Variants in PPFIA2 observed in about 807,000 individuals in gnomAD.
PPFIA2 encodes the protein liprin-alpha-2.
In PPFIA2, 46 loss-of-function variants were observed where a neutral mutation model predicts 175.5. That is an observed-to-expected ratio of 0.26 (90% confidence interval 0.21 to 0.34). PPFIA2 has a LOEUF of 0.34. Ranked by LOEUF, PPFIA2 falls within the 10% of genes least tolerant of loss-of-function variation. The probability of loss-of-function intolerance (pLI) is 1.00; values close to 1 mark genes in which losing one functional copy is unlikely to be tolerated. For missense variants in PPFIA2, 1,179 were observed against 1,506.1 expected (o/e 0.78, Z 3.60); for synonymous variants, 568 against 511.4 (o/e 1.11, Z -1.49).
intron 24 of PPFIA2, among the ~76,000 whole-genome samples, chr12:81,288,255 G>A (rs2043990011): frequency 6.6e-6 from 1 of 151,678 alleles, no homozygotes; most frequent in African/African-American, 2.4e-5. Flanking sequence ...TCTTATACAG[G>A]GCTGGGACTA....
chr12:81,488,312 TACC>T (rs1199920289), intron 4 of PPFIA2, among the ~76,000 whole-genome samples: 1 of 151,656 alleles, frequency 6.6e-6, no homozygotes, highest in Non-Finnish European at 1.5e-5. Flanking sequence ...TTCCTCTCTC[TACC>T]ACCACAATTC....
chr12:81,386,795 C>G (rs935413029), intron 8 of PPFIA2, among the ~76,000 whole-genome samples: 1 of 152,028 alleles, frequency 6.6e-6, no homozygotes, highest in Non-Finnish European at 1.5e-5. Flanking sequence ...AAAGTACAGT[C>G]ATTTCCGCTC....
chr12:81,445,138 C>T (rs996043562), intron 6 of PPFIA2, among the ~76,000 whole-genome samples: 3 of 130,306 alleles, frequency 2.3e-5, no homozygotes, highest in African/African-American at 5.9e-5. Context: ...CATCAATTTG[C>T]ATATCAAAAT....
chr12:81,460,850 G>T (rs1037819625), intron 4 of PPFIA2, among the ~76,000 whole-genome samples: 7 of 151,954 alleles, frequency 4.6e-5, no homozygotes, highest in Non-Finnish European at 8.8e-5. Context: ...ATCTCACTGA[G>T]GCCTAGAGAA....
intron 4 of PPFIA2, among the ~76,000 whole-genome samples, chr12:81,620,485 G>A (rs1052032114): frequency 6.6e-6 from 1 of 151,992 alleles, no homozygotes; most frequent in Non-Finnish European, 1.5e-5. Flanking sequence ...GAACCATAAA[G>A]ATATAAACAA....
At chr12:81,375,702 C>T (rs755560870) in intron 10 of PPFIA2, 94 bp downstream of exon 10, 1 of 1,254,886 alleles carries the variant, frequency 8.0e-7, no homozygotes, top group Non-Finnish European at 1.1e-6. Flanking sequence ...ATTACTCAAA[C>T]ATCTGTCAAG....
intron 21 of PPFIA2, among the ~76,000 whole-genome samples, chr12:81,338,577 T>C (rs955308170): frequency 1.4e-4 from 21 of 147,144 alleles, no homozygotes; most frequent in Non-Finnish European, 2.3e-4. Context: ...ATAGAGTTTA[T>C]TAGGGGGAAG....
Position 81,341,153 on chromosome 12 carries a change from G to C in PPFIA2, c.2318C>G (p.Thr773Ser), listed in dbSNP as rs1451543005. The change falls in exon 20 of 33, where the codon ACT becomes AGT. Residue 773 changes from threonine (T) to serine (S), a missense_variant. Thr to Ser is a moderately conservative substitution (Grantham distance 58). Transcript: ENST00000549396. ...GGCTCTAGGGGTAGGAGGAGGAGAA[G>C]TTTCACATTTAATTGTTGCTTTGTC... Reference protein sequence around the residue: ...REDKATIKCETSPPPTPRALR... With the variant: ...REDKATIKCESSPPPTPRALR... 1.2e-6 allele frequency: 2 copies of C among 1,612,068 alleles called. No homozygotes were observed. The highest frequency in any genetic ancestry group is 3.3e-5 in the Admixed American group (2 of 59,838).
chr12:81,497,099 T>C (rs1313596160), intron 4 of PPFIA2, among the ~76,000 whole-genome samples: 1 of 152,234 alleles, frequency 6.6e-6, no homozygotes, highest in Non-Finnish European at 1.5e-5. Context: ...TCCTAACTCA[T>C]GCTTGGTTCT....
chr12:81,260,733 A>G (rs1029503978), intron 32 of PPFIA2: 3 of 152,230 alleles, frequency 2.0e-5, no homozygotes, highest in Non-Finnish European at 2.9e-5. Flanking sequence ...CTTTTAGTTC[A>G]AGGCAATGAA....
intron 4 of PPFIA2, among the ~76,000 whole-genome samples, chr12:81,622,146 G>T (rs2062116805): frequency 1.3e-5 from 2 of 152,260 alleles, no homozygotes; most frequent in African/African-American, 4.8e-5. Flanking sequence ...TGGATAATTT[G>T]GACAGCAATC....
Position 81,259,611 on chromosome 12 carries a change from C to T in PPFIA2, c.*83G>A. The stretch of plus-strand genomic sequence containing the variant: ...TTTCACAAAGGTTTTCACTGCTCGT[C>T]TTCTTAGATGGTAGTGCACTTTAGG... On this transcript the variant is annotated 3_prime_UTR_variant, in exon 33 of 33. Transcript: ENST00000549396. 6.5e-7 allele frequency: 1 copy of T among 1,529,476 alleles called. No individual in the cohort carries two copies. Among genetic ancestry groups the T allele is most frequent in the South Asian group, 1.2e-5 (1 of 83,886 alleles). 94.7% of individuals were successfully genotyped at this position (1,529,476 alleles called of 1,614,324 possible). A position where few individuals can be genotyped will look rare whatever the true frequency, so the allele number is the denominator to read the frequency against.
intron 4 of PPFIA2, among the ~76,000 whole-genome samples, chr12:81,575,060 T>C (rs1295824083): frequency 6.6e-6 from 1 of 151,852 alleles, no homozygotes; most frequent in Non-Finnish European, 1.5e-5. Flanking sequence ...ATATAATCAT[T>C]TCACACAGAT....
chr12:81,618,808 AG>A (rs1386731307), intron 4 of PPFIA2, among the ~76,000 whole-genome samples: 1 of 152,150 alleles, frequency 6.6e-6, no homozygotes, highest in African/African-American at 2.4e-5. Flanking sequence ...CTGGGATTAC[AG>A]GCGTGAGCCA....
chr12:81,400,618 C>T (rs2041952378), intron 8 of PPFIA2, among the ~76,000 whole-genome samples: 1 of 152,138 alleles, frequency 6.6e-6, no homozygotes, highest in East Asian at 1.9e-4. Flanking sequence ...TCAGCTTTCA[C>T]ATTTCCATAT....
At chr12:81,569,339 A>T (rs2072018100) in intron 4 of PPFIA2, among the ~76,000 whole-genome samples, 1 of 152,122 alleles carries the variant, frequency 6.6e-6, no homozygotes, top group East Asian at 1.9e-4. Context: ...TTAAGATGAG[A>T]ATTGTACGTA....
intron 4 of PPFIA2, among the ~76,000 whole-genome samples, chr12:81,469,674 T>C (rs997437302): frequency 2.0e-5 from 3 of 152,214 alleles, no homozygotes; most frequent in Non-Finnish European, 4.4e-5. Context: ...TAATGGTTTC[T>C]TAAATGTGAC....
At chr12:81,327,911 A>G (rs1331034575) in intron 21 of PPFIA2, among the ~76,000 whole-genome samples, 1 of 152,084 alleles carries the variant, frequency 6.6e-6, no homozygotes, top group East Asian at 1.9e-4. Context: ...ATCTTTTTTC[A>G]AAGCATTTGA....
chr12:81,584,698 T>C (rs932227787), intron 4 of PPFIA2, among the ~76,000 whole-genome samples: 2 of 149,176 alleles, frequency 1.3e-5, no homozygotes, highest in African/African-American at 4.9e-5. Context: ...ACTGTAGGCA[T>C]TGTAATATGG....
Sources: allele counts gnomAD v4.1 joint callset (sites outside exome capture counted in the v4.1 genomes callset), GRCh38; gene constraint gnomAD v4.1.1; transcripts MANE v1.5; gene names NCBI Gene and HGNC (gene_info 2026-07-23, HGNC 2026-07-21).